ENTR1: variants seen among roughly 807,000 people sequenced by gnomAD.
The protein encoded by ENTR1 is endosome-associated-trafficking regulator 1.
Under a neutral mutation model 47.9 loss-of-function variants are expected in ENTR1, and 47 were observed. The observed-to-expected ratio is 0.98, with a 90% CI of 0.78 to 1.25. ENTR1 has a LOEUF of 1.25. Among genes scored for constraint, ENTR1 ranks in the 50% most tolerant of loss-of-function variants. The probability of loss-of-function intolerance (pLI) is 0.00; values close to 1 mark genes in which losing one functional copy is unlikely to be tolerated. For synonymous variants in ENTR1, 290 were observed against 245.8 expected (o/e 1.18, Z -1.68); for missense variants, 668 against 570.5 (o/e 1.17, Z -1.74).
chr9:136,404,150 G>C lies in ENTR1; in HGVS notation c.1113C>G (p.Cys371Trp). 3 of 1,612,726 alleles carry C rather than the reference G, an allele frequency of 1.9e-6. No individual in the cohort carries two copies. Among genetic ancestry groups the C allele is most frequent in the Non-Finnish European group, 2.5e-6 (3 of 1,179,664 alleles). ...CCACGGTCAGGCTGGCACCCTGGCCGCACCGCAGGGCTTCATTCTCTCGCT... is the reference window on the plus strand; with the variant it reads ...CCACGGTCAGGCTGGCACCCTGGCCCCACCGCAGGGCTTCATTCTCTCGCT... Reference protein sequence around the residue: ...NFQRENEALRCGQGASLTVVK... With the variant: ...NFQRENEALRWGQGASLTVVK... The change falls in exon 9 of 10, where the codon TGC becomes TGG. Residue 371 changes from cysteine to tryptophan, a missense_variant. Transcript: ENST00000357365.
chr9:136,402,861 AGT>A lies in ENTR1; in HGVS notation c.1233_1234del (p.Leu412GlufsTer8). 1.9e-6 allele frequency: 3 copies of A among 1,611,098 alleles called. No homozygotes were observed. Among genetic ancestry groups the A allele is most frequent in the Non-Finnish European group, 2.5e-6 (3 of 1,178,950 alleles). On this transcript the variant is annotated frameshift_variant, in exon 10 of 10. Transcript: ENST00000357365. LOFTEE classifies it high-confidence loss of function. The stretch of plus-strand genomic sequence containing the variant: ...TTTAAGGATTTCGGCAACAAGATTC[AGT>A]GTCTCAGCTCCGGAAACCAGTTGCC...
intron 3 of ENTR1, 109 bp downstream of exon 3, chr9:136,408,890 T>G: frequency 1.2e-6 from 1 of 812,656 alleles, no homozygotes. Context: ...ACCTGCTCTT[T>G]TGGGCTCCAG....
At chr9:136,408,363 G>C (rs890886375) in intron 3 of ENTR1, among the ~76,000 whole-genome samples, 2 of 152,018 alleles carry the variant, frequency 1.3e-5, no homozygotes, top group Admixed American at 6.5e-5. Flanking sequence ...CGGATCACGA[G>C]GTCAGGAGAC....
rs377117465 is a variant in ENTR1, at chr9:136,404,225, C to T, written c.1069-31G>A. On this transcript the variant is annotated intron_variant, in intron 8 of 9. Transcript: ENST00000357365. ...GGGACGGTTACGGCTAAGGACAGAG[C>T]AGCTCCGAGGCAACCCGGCTGAAAG... 73 of 1,572,596 alleles carry T rather than the reference C, an allele frequency of 4.6e-5. 1 individual carries two copies. The African/African-American group carries it at 8.1e-4, about 17-fold the overall frequency.
chr9:136,404,476 G>A (rs961714572), intron 8 of ENTR1, among the ~76,000 whole-genome samples, 155 bp downstream of exon 8: 6 of 152,170 alleles, frequency 3.9e-5, no homozygotes, highest in African/African-American at 1.4e-4. Context: ...TCTGCTTCAC[G>A]CCCTGACAGG....
chr9:136,410,162 G>T lies in ENTR1; in HGVS notation c.148C>A (p.Pro50Thr). ...AAGGCCGGCCGAATGCCGAAGAAGG[G>T]GGAGTCCAGGTCCCTGCCATGGGGG... ...ERPHGRDLDS[P>T]FFGIRPAFMC... The change falls in exon 2 of 10, where the codon CCC (proline) becomes ACC (threonine). Residue 50 changes from proline (P) to threonine (T), a missense_variant. Transcript: ENST00000357365. The T allele has an allele frequency of 6.2e-7, 1 of 1,612,106 alleles. No homozygotes were observed. The highest frequency in any genetic ancestry group is 2.2e-5 in the East Asian group (1 of 44,816).
At position 136,402,699 on chromosome 9, in the gene ENTR1, A is replaced by G. The variant is rs1834541310; in HGVS notation, c.*89T>C. 30 of 861,790 alleles carry G rather than the reference A, an allele frequency of 3.5e-5. 1 individual carries two copies. The South Asian group carries it at 3.9e-4, about 11-fold the overall frequency. The allele number at this position is 861,790 out of a possible 1,614,324, so 53.4% of individuals were successfully genotyped here. A position where few individuals can be genotyped will look rare whatever the true frequency, so the allele number is the denominator to read the frequency against. ...ACACTTTACTCTGGGTGAAGACTGCATATTTAAGGACACAACTGCACATTT... is the reference window on the plus strand; with the variant it reads ...ACACTTTACTCTGGGTGAAGACTGCGTATTTAAGGACACAACTGCACATTT... On this transcript the variant is annotated 3_prime_UTR_variant, in exon 10 of 10. Transcript: ENST00000357365.
chr9:136,408,234 T>C (rs1435748413), intron 3 of ENTR1, among the ~76,000 whole-genome samples: 1 of 152,150 alleles, frequency 6.6e-6, no homozygotes, highest in African/African-American at 2.4e-5. Context: ...GCCACTCCAC[T>C]GCACACACCC....
rs1026125790 is a variant in ENTR1 at position 136,408,893 on chromosome 9, G to A, written c.289+106C>T. ...AATCCCACCCCCACCTGCTCTTTTGGGCTCCAGCTACACCACATAGCCAGT... is the reference window on the plus strand; with the variant it reads ...AATCCCACCCCCACCTGCTCTTTTGAGCTCCAGCTACACCACATAGCCAGT... On this transcript the variant is annotated intron_variant, in intron 3 of 9. Transcript: ENST00000357365. 4 of 836,632 alleles carry A rather than the reference G, an allele frequency of 4.8e-6. No homozygotes were observed. In the East Asian group the frequency reaches 1.1e-4, roughly 23 times the overall value. 51.8% of individuals were successfully genotyped at this position (836,632 alleles called of 1,614,324 possible). A position where few individuals can be genotyped will look rare whatever the true frequency, so the allele number is the denominator to read the frequency against.
Position 136,410,513 on chromosome 9 carries a change from C to G in ENTR1, c.-116G>C, listed in dbSNP as rs546915615. The G allele has an allele frequency of 5.0e-6, 5 of 997,104 alleles. No homozygotes were observed. Among genetic ancestry groups the G allele is most frequent in the African/African-American group, 1.7e-5 (1 of 57,720 alleles). The allele number at this position is 997,104 out of a possible 1,614,324, so 61.8% of individuals were successfully genotyped here. Reference sequence around the variant, plus strand: ...GCCCCCGTCGCCCGCCCCCGTCGCCCGCCGCTCGGCCGCCCCCGCGCCTCC... The same window carrying G: ...GCCCCCGTCGCCCGCCCCCGTCGCCGGCCGCTCGGCCGCCCCCGCGCCTCC... On this transcript the variant is annotated 5_prime_UTR_variant, in exon 1 of 10. Coordinates refer to ENST00000357365, the MANE Select transcript of ENTR1 (RefSeq NM_001039707.2).
At position 136,404,193 on chromosome 9, in the gene ENTR1, G is replaced by A. The variant is rs770058149; in HGVS notation, c.1070C>T (p.Ala357Val). 1.7e-5 allele frequency: 28 copies of A among 1,605,776 alleles called. No individual in the cohort carries two copies. The highest frequency in any genetic ancestry group is 9.4e-5 in the African/African-American group (7 of 74,766). The stretch of plus-strand genomic sequence containing the variant: ...CTCTCGCTGGAAGTTGGAGACCTGC[G>A]CCTGGGGGGACGGTTACGGCTAAGG... ...KLKQEISLLQ[A>V]QVSNFQRENE... Residue 357 changes from alanine to valine, a missense_variant and splice_region_variant, in exon 9 of 10, where the codon GCG becomes GTG. By Grantham distance (64) the Ala-to-Val change is moderately conservative. Coordinates refer to ENST00000357365, the MANE Select transcript of ENTR1 (RefSeq NM_001039707.2).
In ENTR1 at chr9:136,408,384, C is replaced by T. The variant is rs565636040; in HGVS notation, c.290-446G>A. On this transcript the variant is annotated intron_variant, in intron 3 of 9. Coordinates refer to ENST00000357365, the MANE Select transcript of ENTR1 (RefSeq NM_001039707.2). The stretch of plus-strand genomic sequence containing the variant: ...ACGAGGTCAGGAGACTGAGACCATC[C>T]TGGCTAACACGGTGAAACCTCATCT... 8.5e-5 allele frequency among the ~76,000 whole-genome samples: 13 copies of T among 152,212 alleles called. No individual in the cohort carries two copies. In the South Asian group the frequency reaches 1.5e-3, roughly 17 times the overall value.
rs1050031492 is a variant in ENTR1, at chr9:136,404,980, A to G, written c.1005+111T>C. On this transcript the variant is annotated intron_variant, in intron 7 of 9. Coordinates refer to ENST00000357365, the MANE Select transcript of ENTR1 (RefSeq NM_001039707.2). The stretch of plus-strand genomic sequence containing the variant: ...CAAAGAACACCAGTCCCAGAGAGCC[A>G]CATGGCCCCGCTCCCAAGGGCAGGC... 4 of 860,586 alleles carry G rather than the reference A, an allele frequency of 4.6e-6. No homozygotes were observed. The African/African-American group carries it at 5.0e-5, about 11-fold the overall frequency. 53.3% of individuals were successfully genotyped at this position (860,586 alleles called of 1,614,324 possible).
chr9:136,404,926 T>A lies in ENTR1; in HGVS notation c.1005+165A>T. 3 of 684,602 alleles carry A rather than the reference T, an allele frequency of 4.4e-6. No individual in the cohort carries two copies. In the South Asian group the frequency reaches 5.3e-5, roughly 12 times the overall value. The allele number at this position is 684,602 out of a possible 1,614,324, so 42.4% of individuals were successfully genotyped here. On this transcript the variant is annotated intron_variant, in intron 7 of 9. Coordinates refer to ENST00000357365, the MANE Select transcript of ENTR1 (RefSeq NM_001039707.2). The stretch of plus-strand genomic sequence containing the variant: ...CCCACGGATGCCCTCGTGGGCCAGC[T>A]ATCCCCAGGCACAGCGAGACAGCGA...
Position 136,407,250 on chromosome 9 carries a change from G to A in ENTR1, c.714C>T (p.Arg238=), listed in dbSNP as rs372539631. The part of the protein sequence containing the change: ...PSWALSDTDS[R]VSPASPAGSP... ...TCCCTGCCGGAGAGGCCGGAGACACGCGAGAATCAGTGTCACTCAACGCCC... is the reference window on the plus strand; with the variant it reads ...TCCCTGCCGGAGAGGCCGGAGACACACGAGAATCAGTGTCACTCAACGCCC... Residue 238 remains arginine, a synonymous_variant, in exon 5 of 10, where the codon CGC becomes CGT. Coordinates refer to ENST00000357365, the MANE Select transcript of ENTR1 (RefSeq NM_001039707.2). The A allele has an allele frequency of 1.7e-5, 28 of 1,612,990 alleles. No homozygotes were observed. Among genetic ancestry groups the A allele is most frequent in the East Asian group, 4.5e-5 (2 of 44,892 alleles).
rs772749560 is a variant in ENTR1, at chr9:136,407,312, G to T, written c.652C>A (p.Pro218Thr). Residue 218 changes from proline (P) to threonine (T), a missense_variant, in exon 5 of 10, where the codon CCG becomes ACG. By Grantham distance (38) the Pro-to-Thr change is conservative (BLOSUM62 -1). Coordinates refer to ENST00000357365, the MANE Select transcript of ENTR1 (RefSeq NM_001039707.2). ...GACTCAGGCCCTGCCAGCTCCGACG[G>T]GGTGGAGAAAAAGGAAAGGTATGTG... Reference protein sequence around the residue: ...CSTYLSFFSTPSELAGPESLP... With the variant: ...CSTYLSFFSTTSELAGPESLP... The T allele has an allele frequency of 6.8e-6, 11 of 1,611,492 alleles. No individual in the cohort carries two copies. The East Asian group carries it at 2.5e-4, about 36-fold the overall frequency.
Position 136,407,538 on chromosome 9 carries a change from T to G in ENTR1, c.426A>C (p.Gly142=), listed in dbSNP as rs1295221666. The G allele has an allele frequency of 6.5e-7, 1 of 1,545,730 alleles. No homozygotes were observed. The highest frequency in any genetic ancestry group is 1.6e-5 in the African/African-American group (1 of 61,598). ...GGGAGGGTGGGGAGTTGTGGTCAAG[T>G]CCCAGGGAATGCCTCGAGGCTTCCT... ...YAKEASRHSL[G]LDHNSPPSQT... The change falls in exon 5 of 10, where the codon GGA becomes GGC. Residue 142 remains glycine, a synonymous_variant. Coordinates refer to ENST00000357365, the MANE Select transcript of ENTR1 (RefSeq NM_001039707.2).
At chr9:136,408,348 G>A (rs541838347) in intron 3 of ENTR1, among the ~76,000 whole-genome samples, 3 of 152,310 alleles carry the variant, frequency 2.0e-5, no homozygotes, top group Non-Finnish European at 4.4e-5. Flanking sequence ...GGAGGTCAAG[G>A]CGGGCGGATC....
intron 2 of ENTR1, among the ~76,000 whole-genome samples, chr9:136,409,405 T>G (rs1246258346): frequency 6.6e-6 from 1 of 152,064 alleles, no homozygotes; most frequent in East Asian, 1.9e-4. Context: ...ATGGTCTCAA[T>G]CTCCTGACCT....
Sources: allele counts gnomAD v4.1 joint callset (sites outside exome capture counted in the v4.1 genomes callset), GRCh38; gene constraint gnomAD v4.1.1; transcripts MANE v1.5; gene names NCBI Gene and HGNC (gene_info 2026-07-23, HGNC 2026-07-21).